MAGI1: variants seen among roughly 807,000 people sequenced by gnomAD.
MAGI1 encodes the protein membrane associated guanylate kinase, WW and PDZ domain containing 1.
MAGI1 carries 58 observed loss-of-function variants against 139.9 expected under a neutral mutation model. That is an observed-to-expected ratio of 0.41 (90% CI 0.34 to 0.52). The LOEUF is 0.52. Ranked by LOEUF, MAGI1 falls within the 20% of genes least tolerant of loss-of-function variation. The pLI is 0.12. For synonymous variants in MAGI1, 812 were observed against 737.9 expected, an observed-to-expected ratio of 1.10 and a Z score of -1.63; for missense variants, 1,874 against 1,901.6, an observed-to-expected ratio of 0.99 and a Z score of 0.27.
intron 1 of MAGI1, among the ~76,000 whole-genome samples, chr3:65,878,687 C>G (rs2108516247): frequency 1.3e-5 from 2 of 152,084 alleles, no homozygotes; most frequent in Admixed American, 1.3e-4. Context: ...GATATGTTTC[C>G]CACCATGAAT....
At chr3:65,891,039 C>T (rs1315615536) in intron 1 of MAGI1, among the ~76,000 whole-genome samples, 1 of 151,846 alleles carries the variant, frequency 6.6e-6, no homozygotes, top group Non-Finnish European at 1.5e-5. Context: ...ACGGCAAAAC[C>T]CCATCTCTAC....
chr3:65,542,953 A>G (rs1047926611), intron 2 of MAGI1, among the ~76,000 whole-genome samples: 1 of 152,182 alleles, frequency 6.6e-6, no homozygotes, highest in Non-Finnish European at 1.5e-5. Context: ...CTACCATCAG[A>G]GTGAACAGGC....
Position 65,941,036 on chromosome 3 carries a change from G to A in MAGI1, c.313+96960C>T, listed in dbSNP as rs2063289675. ...GAAAAAAACTATAAATGGAACCAAG[G>A]TACAAAGAATTATAATTATATTGCC... is the stretch of plus-strand genomic sequence containing the variant. On this transcript the variant is annotated intron_variant, in intron 1 of 22. Transcript: ENST00000402939. Among the ~76,000 whole-genome samples the A allele has an allele frequency of 3.9e-5, 6 of 152,142 alleles. No individual in the cohort carries two copies. The South Asian group carries it at 1.2e-3, about 32-fold the overall frequency.
chr3:65,713,082 T>G (rs1210926304), intron 1 of MAGI1, among the ~76,000 whole-genome samples: 1 of 152,146 alleles, frequency 6.6e-6, no homozygotes, highest in Non-Finnish European at 1.5e-5. Context: ...AGACAGAAAG[T>G]CCTAGAGAGA....
chr3:65,857,906 T>C (rs962480927), intron 1 of MAGI1, among the ~76,000 whole-genome samples: 36 of 151,970 alleles, frequency 2.4e-4, no homozygotes, highest in African/African-American at 8.0e-4. Flanking sequence ...TCACACAACA[T>C]TTAGGTGATT....
chr3:66,026,191 A>G (rs1008112091), intron 1 of MAGI1, among the ~76,000 whole-genome samples: 1 of 152,144 alleles, frequency 6.6e-6, no homozygotes, highest in Non-Finnish European at 1.5e-5. Context: ...GTAAAATACT[A>G]TTTAAACCAG....
intron 5 of MAGI1, among the ~76,000 whole-genome samples, chr3:65,455,544 CTACAAAAAAA>C (rs1167745299): frequency 6.6e-6 from 1 of 151,982 alleles, no homozygotes; most frequent in East Asian, 1.9e-4. Flanking sequence ...AATGCCATCT[CTACAAAAAAA>C]TACAAAAAAA....
intron 5 of MAGI1, among the ~76,000 whole-genome samples, chr3:65,464,081 T>C (rs879801218): frequency 6.6e-6 from 1 of 152,154 alleles, no homozygotes; most frequent in African/African-American, 2.4e-5. Context: ...GACTTTAGGG[T>C]CCATAGTGAC....
At chr3:66,005,781 A>G (rs1426097322) in intron 1 of MAGI1, among the ~76,000 whole-genome samples, 1 of 152,118 alleles carries the variant, frequency 6.6e-6, no homozygotes, top group African/African-American at 2.4e-5. Flanking sequence ...ACATACCACA[A>G]AGAGATCTTC....
At chr3:65,393,519 C>T (rs553989522) in intron 13 of MAGI1, among the ~76,000 whole-genome samples, 57 of 152,176 alleles carry the variant, frequency 3.7e-4, no homozygotes, top group African/African-American at 1.2e-3. Flanking sequence ...ATAGAATTAA[C>T]GGGAACTGCT....
chr3:65,487,621 C>T (rs1430693447), intron 3 of MAGI1, among the ~76,000 whole-genome samples: 1 of 152,128 alleles, frequency 6.6e-6, no homozygotes, highest in Non-Finnish European at 1.5e-5. Flanking sequence ...AAATATTGGG[C>T]CTGAAAGAGA....
At chr3:65,601,794 A>T (rs948039357) in intron 2 of MAGI1, among the ~76,000 whole-genome samples, 1 of 150,850 alleles carries the variant, frequency 6.6e-6, no homozygotes, top group African/African-American at 2.5e-5. Flanking sequence ...TGCTGAAAAC[A>T]ATATCACCAA....
At chr3:65,707,544 G>C (rs1437363280) in intron 1 of MAGI1, among the ~76,000 whole-genome samples, 4 of 152,030 alleles carry the variant, frequency 2.6e-5, no homozygotes, top group Admixed American at 6.5e-5. Flanking sequence ...TTTTTAAATA[G>C]TCAGGCATGG....
intron 2 of MAGI1, chr3:65,549,279 T>G: frequency 8.1e-6 from 3 of 371,348 alleles, no homozygotes; most frequent in Non-Finnish European, 1.1e-5. Context: ...GCCTTCTCCT[T>G]CCTTCCCTTT....
intron 5 of MAGI1, among the ~76,000 whole-genome samples, chr3:65,467,780 G>A (rs900634633): frequency 6.6e-6 from 1 of 152,136 alleles, no homozygotes; most frequent in Non-Finnish European, 1.5e-5. Flanking sequence ...TCTGTACCAG[G>A]AACACCTATT....
chr3:65,682,270 C>T (rs969564157), intron 1 of MAGI1, among the ~76,000 whole-genome samples: 6 of 152,220 alleles, frequency 3.9e-5, no homozygotes, highest in Non-Finnish European at 8.8e-5. Context: ...CAAAAATACT[C>T]CCTACAAAGA....
chr3:65,713,168 G>A (rs1203862702), intron 1 of MAGI1, among the ~76,000 whole-genome samples: 2 of 152,152 alleles, frequency 1.3e-5, no homozygotes, highest in African/African-American at 4.8e-5. Context: ...AGGCCCTGCT[G>A]TTTGTGGGCA....
intron 10 of MAGI1, among the ~76,000 whole-genome samples, chr3:65,432,539 G>T (rs367993126): frequency 9.9e-5 from 15 of 152,112 alleles, no homozygotes; most frequent in East Asian, 9.6e-4. Flanking sequence ...AGGTCCTTTC[G>T]CTAACCTGCT....
intron 19 of MAGI1, 59 bp from the exon 20 acceptor site, chr3:65,364,784 A>C: frequency 6.2e-7 from 1 of 1,606,958 alleles, no homozygotes; most frequent in Non-Finnish European, 8.5e-7. Context: ...AGAAAGAATC[A>C]AGGACATATA....
Sources: gnomAD v4.1 joint callset for allele counts (sites outside exome capture counted in the v4.1 genomes callset) on GRCh38, gnomAD v4.1.1 for gene constraint, MANE v1.5 for transcripts, NCBI Gene and HGNC (gene_info 2026-07-23, HGNC 2026-07-21) for gene names.